Variants in CHIC2 observed in about 807,000 individuals in gnomAD.
CHIC2 encodes cysteine rich hydrophobic domain 2.
CHIC2 carries 14 observed loss-of-function variants against 25.9 expected under a neutral mutation model. The ratio of observed to expected loss-of-function variants is 0.54; its 90% CI spans 0.36 to 0.85. CHIC2 has a LOEUF of 0.85. Among genes scored for constraint, CHIC2 ranks in the 40% least tolerant of loss-of-function variants. The probability of loss-of-function intolerance (pLI) is 0.01; values close to 1 mark genes in which losing one functional copy is unlikely to be tolerated. For missense variants in CHIC2, 146 were observed against 202.0 expected (o/e 0.72, Z 1.68); for synonymous variants, 70 against 72.0 (o/e 0.97, Z 0.14).
chr4:54,032,530 G>A (rs917798029), intron 3 of CHIC2, among the ~76,000 whole-genome samples: 7 of 152,184 alleles, frequency 4.6e-5, no homozygotes, highest in South Asian at 2.1e-4. Context: ...GGCCTCCCGA[G>A]GTGCCGGGAT....
At chr4:54,048,137 C>G (rs770794353) in intron 3 of CHIC2, among the ~76,000 whole-genome samples, 38 of 152,184 alleles carry the variant, frequency 2.5e-4, no homozygotes, top group Non-Finnish European at 4.6e-4. Flanking sequence ...TACAGGCACC[C>G]GCCACCACGC....
At chr4:54,039,937 A>C (rs149194212) in intron 3 of CHIC2, among the ~76,000 whole-genome samples, 2 of 152,354 alleles carry the variant, frequency 1.3e-5, no homozygotes, top group African/African-American at 2.4e-5. Context: ...AGCCAGACTC[A>C]AAAAGTTATA....
At chr4:54,051,976 T>A (rs1316042889) in intron 1 of CHIC2, among the ~76,000 whole-genome samples, 1 of 152,208 alleles carries the variant, frequency 6.6e-6, no homozygotes, top group Non-Finnish European at 1.5e-5. Flanking sequence ...ACTGTTCTCA[T>A]CAGAGTAGTT....
At chr4:54,051,045 C>G (rs1217597107) in intron 1 of CHIC2, among the ~76,000 whole-genome samples, 1 of 152,130 alleles carries the variant, frequency 6.6e-6, no homozygotes, top group Non-Finnish European at 1.5e-5. Context: ...ATTGTCATCA[C>G]TTGGGACTGT....
At chr4:54,023,481 C>A (rs1010781520) in intron 3 of CHIC2, among the ~76,000 whole-genome samples, 2 of 152,162 alleles carry the variant, frequency 1.3e-5, no homozygotes, top group African/African-American at 4.8e-5. Context: ...CTGTTTCTGG[C>A]CTGGACTTCA....
intron 3 of CHIC2, among the ~76,000 whole-genome samples, chr4:54,017,823 AC>A (rs1289377800): frequency 1.3e-5 from 2 of 152,100 alleles, no homozygotes; most frequent in African/African-American, 4.8e-5. Flanking sequence ...CTTTAAAAAA[AC>A]AAAAACAAAA....
At chr4:54,070,206 A>C in the CHIC2 span, among the ~76,000 whole-genome samples, 41,249 of 151,996 alleles carry the variant, frequency 0.27, 6,478 homozygotes, top group Middle Eastern at 0.39. Flanking sequence ...AAATGAGGTA[A>C]AAAACAAAGC....
the CHIC2 span, chr4:54,087,571 T>C: frequency 4.6e-6 from 5 of 1,093,494 alleles, no homozygotes; most frequent in South Asian, 9.0e-5. Context: ...ACCCTGATGC[T>C]CCTGTGTCCC....
intron 3 of CHIC2, among the ~76,000 whole-genome samples, chr4:54,027,714 C>T (rs1716103497): frequency 6.6e-6 from 1 of 152,168 alleles, no homozygotes; most frequent in South Asian, 2.1e-4. Flanking sequence ...TTCAGAGTTC[C>T]TGTCCCATCT....
At chr4:54,079,468 A>G in the CHIC2 span, among the ~76,000 whole-genome samples, 1 of 152,260 alleles carries the variant, frequency 6.6e-6, no homozygotes, top group South Asian at 2.1e-4. Context: ...ACAAGCAACA[A>G]ATGAAAAGAA....
chr4:54,054,801 C>T (rs557040612), intron 1 of CHIC2, among the ~76,000 whole-genome samples: 25 of 152,240 alleles, frequency 1.6e-4, no homozygotes, highest in South Asian at 8.3e-4. Flanking sequence ...GAACATAAGA[C>T]AAATAGATGG....
chr4:54,057,043 G>C (rs1305311344), intron 1 of CHIC2, among the ~76,000 whole-genome samples: 1 of 152,120 alleles, frequency 6.6e-6, no homozygotes, highest in Non-Finnish European at 1.5e-5. Flanking sequence ...AGTAAGGGTA[G>C]CCAGTTATTT....
At chr4:54,044,905 G>A (rs1273531846) in intron 3 of CHIC2, among the ~76,000 whole-genome samples, 3 of 151,860 alleles carry the variant, frequency 2.0e-5, no homozygotes, top group Non-Finnish European at 2.9e-5. Flanking sequence ...CCGCTAGCAA[G>A]ACTAATAAAG....
chr4:54,013,973 C>T, intron 4 of CHIC2, 77 bp from the exon 5 acceptor site: 2 of 1,596,448 alleles, frequency 1.3e-6, no homozygotes, highest in South Asian at 2.2e-5. Context: ...ATTTGTCCAC[C>T]TTTCATATTT....
chr4:54,045,329 G>C (rs906061316), intron 3 of CHIC2, among the ~76,000 whole-genome samples: 1 of 152,012 alleles, frequency 6.6e-6, no homozygotes, highest in Non-Finnish European at 1.5e-5. Flanking sequence ...TACCAAAGCC[G>C]GGCAGAGACA....
chr4:54,024,981 CT>C (rs1272446230), intron 3 of CHIC2, among the ~76,000 whole-genome samples: 4 of 152,260 alleles, frequency 2.6e-5, no homozygotes, highest in East Asian at 1.9e-4. Flanking sequence ...CACGCCGCCC[CT>C]AATCCCGTTC....
At chr4:54,016,020 A>C (rs1297078593) in intron 3 of CHIC2, among the ~76,000 whole-genome samples, 5 of 152,162 alleles carry the variant, frequency 3.3e-5, no homozygotes, top group Non-Finnish European at 7.4e-5. Flanking sequence ...CCGATTCAAA[A>C]CCTGAATCTA....
At chr4:54,022,037 G>C (rs565326466) in intron 3 of CHIC2, among the ~76,000 whole-genome samples, 1 of 152,240 alleles carries the variant, frequency 6.6e-6, no homozygotes, top group African/African-American at 2.4e-5. Flanking sequence ...AAGTGCAGCT[G>C]CCAGGGGTTC....
the CHIC2 span, among the ~76,000 whole-genome samples, chr4:54,083,801 A>G: frequency 3.3e-5 from 5 of 152,174 alleles, no homozygotes; most frequent in Non-Finnish European, 7.4e-5. Flanking sequence ...AATCATTTCA[A>G]TTTTCTGCTT....
Sources: allele counts gnomAD v4.1 joint callset (sites outside exome capture counted in the v4.1 genomes callset), GRCh38; gene constraint gnomAD v4.1.1; transcripts MANE v1.5; gene names NCBI Gene and HGNC (gene_info 2026-07-23, HGNC 2026-07-21).